TENM3: variants seen among roughly 807,000 people sequenced by gnomAD.
The protein encoded by TENM3 is teneurin-3.
In TENM3, 63 loss-of-function variants were observed where a neutral mutation model predicts 255.1. The ratio of observed to expected loss-of-function variants is 0.25; its 90% CI spans 0.20 to 0.30. The LOEUF (loss-of-function observed/expected upper bound fraction) is 0.30. Among genes scored for constraint, TENM3 ranks in the 10% least tolerant of loss-of-function variants. The pLI is 1.00. For missense variants in TENM3, 2,929 were observed against 3,461.1 expected (o/e 0.85, Z 3.86); for synonymous variants, 1,306 against 1,322.3 (o/e 0.99, Z 0.27).
intron 1 of TENM3, among the ~76,000 whole-genome samples, chr4:182,295,335 T>C (rs189113614): frequency 7.0e-6 from 1 of 142,648 alleles, no homozygotes; most frequent in East Asian, 2.2e-4. Context: ...TGATGCGATC[T>C]CGGCTCACTG....
chr4:182,045,101 A>G, the TENM3 span, among the ~76,000 whole-genome samples: 1 of 152,176 alleles, frequency 6.6e-6, no homozygotes, highest in East Asian at 1.9e-4. Flanking sequence ...GGTGCAAGGG[A>G]AAAGTTAGAG....
At chr4:182,229,451 G>A (rs1756405407) in intron 1 of TENM3, among the ~76,000 whole-genome samples, 1 of 152,032 alleles carries the variant, frequency 6.6e-6, no homozygotes, top group Non-Finnish European at 1.5e-5. Flanking sequence ...ATTTATGCAT[G>A]GTTTATGAAC....
the TENM3 span, among the ~76,000 whole-genome samples, chr4:181,705,764 T>G: frequency 6.6e-6 from 1 of 152,118 alleles, no homozygotes; most frequent in South Asian, 2.1e-4. Flanking sequence ...AAATAAAATT[T>G]ATATGCCTGT....
At chr4:181,810,749 G>C in the TENM3 span, among the ~76,000 whole-genome samples, 76,663 of 151,736 alleles carry the variant, frequency 0.51, 20,394 homozygotes, top group East Asian at 0.78. Context: ...TTGAAGAAGG[G>C]ACGTTACTTC....
chr4:181,935,154 T>TTTG, the TENM3 span, among the ~76,000 whole-genome samples: 85 of 152,326 alleles, frequency 5.6e-4, 1 homozygote, highest in South Asian at 2.3e-3. Flanking sequence ...TGAAGTATAA[T>TTTG]TCAAAAGACA....
the TENM3 span, among the ~76,000 whole-genome samples, chr4:182,017,452 C>T: frequency 1.7e-4 from 26 of 152,276 alleles, no homozygotes; most frequent in African/African-American, 6.3e-4. Flanking sequence ...GAAAGAGGAA[C>T]ATCATATTAT....
the TENM3 span, among the ~76,000 whole-genome samples, chr4:181,673,205 A>G: frequency 6.6e-6 from 1 of 150,962 alleles, no homozygotes. Context: ...TTGTAAACAA[A>G]CCAAAGTCTG....
intron 1 of TENM3, among the ~76,000 whole-genome samples, chr4:182,178,502 G>A (rs1005591374): frequency 2.0e-5 from 3 of 152,110 alleles, no homozygotes; most frequent in African/African-American, 7.2e-5. Context: ...ACAAACACAC[G>A]TACTAACACT....
At chr4:182,356,892 A>T in intron 3 of TENM3, among the ~76,000 whole-genome samples, 1 of 103,026 alleles carries the variant, frequency 9.7e-6, no homozygotes, top group South Asian at 3.5e-4. Flanking sequence ...AACAGTCCCC[A>T]GAGTGTGATG....
intron 3 of TENM3, among the ~76,000 whole-genome samples, chr4:182,363,656 C>T: frequency 6.6e-6 from 1 of 151,992 alleles, no homozygotes; most frequent in East Asian, 1.9e-4. Context: ...ATAAAACCTA[C>T]TTACAAGTGA....
At chr4:181,550,398 A>G in the TENM3 span, among the ~76,000 whole-genome samples, 1 of 152,238 alleles carries the variant, frequency 6.6e-6, no homozygotes, top group Non-Finnish European at 1.5e-5. Context: ...AACTTCTAGC[A>G]TCTCTGTAAT....
At chr4:181,685,461 C>G in the TENM3 span, among the ~76,000 whole-genome samples, 14 of 152,154 alleles carry the variant, frequency 9.2e-5, no homozygotes, top group Admixed American at 8.5e-4. Flanking sequence ...TTATTAATCT[C>G]ATTACATTTG....
At chr4:182,657,269 T>C (rs181964101) in intron 6 of TENM3, among the ~76,000 whole-genome samples, 2 of 152,324 alleles carry the variant, frequency 1.3e-5, no homozygotes, top group Non-Finnish European at 2.9e-5. Flanking sequence ...AGTATCCCTC[T>C]CAAACTTCTC....
the TENM3 span, among the ~76,000 whole-genome samples, chr4:181,801,013 T>A: frequency 6.6e-6 from 1 of 152,184 alleles, no homozygotes; most frequent in African/African-American, 2.4e-5. Flanking sequence ...GTAATTGTGT[T>A]ATGGCGAGTT....
At chr4:182,451,778 G>A (rs535810631) in intron 3 of TENM3, among the ~76,000 whole-genome samples, 9 of 152,184 alleles carry the variant, frequency 5.9e-5, no homozygotes, top group African/African-American at 2.2e-4. Context: ...AATTAGTGGG[G>A]AAAAAAGATC....
chr4:182,583,408 T>A (rs151154578), intron 3 of TENM3, among the ~76,000 whole-genome samples: 391 of 149,142 alleles, frequency 2.6e-3, no homozygotes, highest in Non-Finnish European at 4.7e-3. Flanking sequence ...ATAGAGAGAT[T>A]TAGGGAATTC....
chr4:181,761,497 C>T, the TENM3 span, among the ~76,000 whole-genome samples: 7 of 151,858 alleles, frequency 4.6e-5, no homozygotes, highest in Non-Finnish European at 1.0e-4. Context: ...GAATAATGGG[C>T]TTACTGGAAA....
At chr4:181,670,300 AG>A in the TENM3 span, among the ~76,000 whole-genome samples, 1 of 152,176 alleles carries the variant, frequency 6.6e-6, no homozygotes. Flanking sequence ...TTGTGGTAAA[AG>A]TAATTGCCGA....
At chr4:182,410,063 G>A (rs1352181654) in intron 3 of TENM3, among the ~76,000 whole-genome samples, 1 of 152,174 alleles carries the variant, frequency 6.6e-6, no homozygotes, top group Non-Finnish European at 1.5e-5. Context: ...CTGGACTCAA[G>A]CTGTCTGCCT....
Sources: allele counts gnomAD v4.1 joint callset (sites outside exome capture counted in the v4.1 genomes callset), GRCh38; gene constraint gnomAD v4.1.1; transcripts MANE v1.5; gene names NCBI Gene and HGNC (gene_info 2026-07-23, HGNC 2026-07-21).